PKNOX2: variants seen among roughly 807,000 people sequenced by gnomAD.
PKNOX2 encodes the protein homeobox protein PKNOX2.
A neutral mutation model predicts 53.1 loss-of-function variants in PKNOX2; 14 were observed. The observed-to-expected ratio is 0.26, with a 90% CI of 0.17 to 0.41. PKNOX2 has a LOEUF of 0.41. Among genes scored for constraint, PKNOX2 ranks in the 10% least tolerant of loss-of-function variants. The pLI is 1.00. For missense variants in PKNOX2, 496 were observed against 602.8 expected, an observed-to-expected ratio of 0.82 and a Z score of 1.85; for synonymous variants, 257 against 242.8, an observed-to-expected ratio of 1.06 and a Z score of -0.54.
rs769364727 is a variant in PKNOX2, at chr11:125,367,858, G to A, written c.100G>A (p.Ala34Thr). 47 of 1,611,356 alleles carry A rather than the reference G, an allele frequency of 2.9e-5. No individual in the cohort carries two copies. The highest frequency in any genetic ancestry group is 1.7e-4 in the South Asian group (15 of 90,770). Residue 34 changes from alanine to threonine, a missense_variant, in exon 5 of 13, where the codon GCC becomes ACC. Transcript: ENST00000298282. ...YQDSPQMTAT[A>T]QPPSKAQAVH... ...CTTCTCTCTGCAGATGACGGCAACC[G>A]CCCAGCCACCCTCCAAGGCCCAGGC...
chr11:125,247,383 C>T (rs1009606008), intron 2 of PKNOX2, among the ~76,000 whole-genome samples: 1 of 152,128 alleles, frequency 6.6e-6, no homozygotes, highest in Non-Finnish European at 1.5e-5. Flanking sequence ...TCTTCCTCAC[C>T]CTGGGTTTCT....
chr11:125,282,896 A>G (rs1241253949), intron 2 of PKNOX2, among the ~76,000 whole-genome samples: 1 of 152,246 alleles, frequency 6.6e-6, no homozygotes, highest in Non-Finnish European at 1.5e-5. Context: ...CCATGCCTGT[A>G]ATCCCAGCAC....
chr11:125,211,696 C>A (rs2135451166), intron 1 of PKNOX2, among the ~76,000 whole-genome samples: 1 of 152,190 alleles, frequency 6.6e-6, no homozygotes, highest in South Asian at 2.1e-4. Flanking sequence ...GTGGAGCCGG[C>A]TGCTCGGGAG....
intron 1 of PKNOX2, among the ~76,000 whole-genome samples, chr11:125,194,916 CCA>C (rs1212000612): frequency 6.6e-6 from 1 of 152,148 alleles, no homozygotes; most frequent in East Asian, 1.9e-4. Context: ...TTCCAACATG[CCA>C]GTCATGACTT....
chr11:125,362,514 C>T (rs998873351), intron 4 of PKNOX2, among the ~76,000 whole-genome samples: 8 of 152,130 alleles, frequency 5.3e-5, no homozygotes, highest in African/African-American at 1.4e-4. Context: ...GCTGAGACTA[C>T]AGGCACCACC....
chr11:125,319,982 A>G (rs1949427449), intron 2 of PKNOX2, among the ~76,000 whole-genome samples: 2 of 152,196 alleles, frequency 1.3e-5, no homozygotes, highest in Non-Finnish European at 2.9e-5. Flanking sequence ...TGGGAAAGCC[A>G]TATTGTGCTT....
intron 1 of PKNOX2, among the ~76,000 whole-genome samples, chr11:125,231,598 C>T (rs1359183816): frequency 1.3e-5 from 2 of 152,166 alleles, no homozygotes; most frequent in Non-Finnish European, 2.9e-5. Flanking sequence ...TGGATGGTTC[C>T]CCAACAGGCA....
intron 3 of PKNOX2, among the ~76,000 whole-genome samples, chr11:125,350,950 C>T (rs1951271622): frequency 6.6e-6 from 1 of 152,146 alleles, no homozygotes; most frequent in Admixed American, 6.5e-5. Flanking sequence ...TCCAGTCCCC[C>T]GGTGCTGCTA....
At chr11:125,246,829 G>A (rs1943604389) in intron 2 of PKNOX2, among the ~76,000 whole-genome samples, 1 of 152,024 alleles carries the variant, frequency 6.6e-6, no homozygotes, top group South Asian at 2.1e-4. Context: ...TGGGCATTAG[G>A]GAGGCTGTGG....
chr11:125,338,015 T>C (rs1316239130), intron 3 of PKNOX2, among the ~76,000 whole-genome samples: 1 of 152,202 alleles, frequency 6.6e-6, no homozygotes, highest in Non-Finnish European at 1.5e-5. Context: ...GTTCATTTCC[T>C]GAGGAGTGAA....
At chr11:125,282,951 A>G (rs1946662877) in intron 2 of PKNOX2, among the ~76,000 whole-genome samples, 2 of 152,292 alleles carry the variant, frequency 1.3e-5, no homozygotes, top group African/African-American at 4.8e-5. Context: ...CAGGAGTTCG[A>G]GACCAGCCAG....
chr11:125,305,050 G>C (rs907747146), intron 2 of PKNOX2, among the ~76,000 whole-genome samples: 7 of 152,160 alleles, frequency 4.6e-5, no homozygotes, highest in African/African-American at 1.4e-4. Context: ...TAAGTGGTGG[G>C]ATCTGGATTC....
intron 1 of PKNOX2, among the ~76,000 whole-genome samples, chr11:125,210,144 G>T (rs1451422305): frequency 6.6e-6 from 1 of 152,104 alleles, no homozygotes; most frequent in Non-Finnish European, 1.5e-5. Context: ...TGCAGAAAGA[G>T]GATCCCACAG....
intron 2 of PKNOX2, among the ~76,000 whole-genome samples, chr11:125,297,558 CTT>C (rs1164003858): frequency 6.6e-6 from 1 of 152,164 alleles, no homozygotes; most frequent in Non-Finnish European, 1.5e-5. Context: ...TGCGATGACT[CTT>C]TGCAAATGAG....
At chr11:125,409,505 A>G (rs1955354874) in intron 7 of PKNOX2, among the ~76,000 whole-genome samples, 1 of 152,114 alleles carries the variant, frequency 6.6e-6, no homozygotes, top group Non-Finnish European at 1.5e-5. Flanking sequence ...CTTAGAAGAC[A>G]GGTTATGGGA....
chr11:125,166,296 A>C lies in PKNOX2; in HGVS notation c.-201+1520A>C, dbSNP rs1421746336. ...GGTCCTGCAGCTCCGCGTGTGAAAA[A>C]GCGTTTAGGTAGGCGATGAAAGTAG... On this transcript the variant is annotated intron_variant, in intron 1 of 12. Coordinates refer to ENST00000298282, the MANE Select transcript of PKNOX2 (RefSeq NM_001382323.2). This position sits in a 1 kb window ranked among gnomAD's most constrained non-coding sequence, Gnocchi z 4.0. Among the ~76,000 whole-genome samples, 1 of 152,068 alleles carries C rather than the reference A, an allele frequency of 6.6e-6. No homozygotes were observed. Among genetic ancestry groups the C allele is most frequent in the Non-Finnish European group, 1.5e-5 (1 of 68,010 alleles).
chr11:125,426,887 C>T (rs944810656), intron 10 of PKNOX2, among the ~76,000 whole-genome samples: 18 of 152,140 alleles, frequency 1.2e-4, no homozygotes, highest in African/African-American at 4.1e-4. Flanking sequence ...CTCAGGGAGT[C>T]GGGAAGGGCC....
At chr11:125,260,238 AC>A (rs1417866777) in intron 2 of PKNOX2, among the ~76,000 whole-genome samples, 7 of 151,128 alleles carry the variant, frequency 4.6e-5, no homozygotes, top group Non-Finnish European at 5.9e-5. Flanking sequence ...TCGCTCTGTC[AC>A]CCAGGCTGGA....
intron 2 of PKNOX2, among the ~76,000 whole-genome samples, chr11:125,237,428 G>T (rs928192241): frequency 6.6e-6 from 1 of 152,164 alleles, no homozygotes; most frequent in African/African-American, 2.4e-5. Context: ...TGAAAGAACA[G>T]GATGAAGAAT....
Sources: gnomAD v4.1 joint callset for allele counts (sites outside exome capture counted in the v4.1 genomes callset) on GRCh38, gnomAD v4.1.1 for gene constraint, Gnocchi (gnomAD v3.1) non-coding constraint, MANE v1.5 for transcripts, NCBI Gene and HGNC (gene_info 2026-07-23, HGNC 2026-07-21) for gene names.